BCL11B: variants seen among roughly 807,000 people sequenced by gnomAD.
BCL11B encodes the protein BCL11 transcription factor B.
Under a neutral mutation model 49.9 loss-of-function variants are expected in BCL11B, and 8 were observed. The ratio of observed to expected loss-of-function variants is 0.16; its 90% CI spans 0.09 to 0.29. The LOEUF is 0.29. BCL11B is among the 10% of genes least tolerant of loss of function. The probability of loss-of-function intolerance (pLI) is 1.00; values close to 1 mark genes in which losing one functional copy is unlikely to be tolerated. For synonymous variants in BCL11B, 739 were observed against 637.4 expected, an observed-to-expected ratio of 1.16 and a Z score of -2.40; for missense variants, 1,006 against 1,351.0, an observed-to-expected ratio of 0.74 and a Z score of 4.00.
rs191140436 is a variant in BCL11B, at chr14:99,170,637, C to A, written c.*3514G>T. On this transcript the variant is annotated 3_prime_UTR_variant, in exon 4 of 4. Transcript: ENST00000357195. ...GGAAACGCAGGGGAAGGAGAGAGAA[C>A]GAGATATGGAAAGGCACCAAATTCA... is the stretch of plus-strand genomic sequence containing the variant. 3.0e-5 allele frequency: 7 copies of A among 232,852 alleles called. No homozygotes were observed. In the East Asian group the frequency reaches 4.2e-4, roughly 14 times the overall value. The allele number at this position is 232,852 out of a possible 1,614,324, so 14.4% of individuals were successfully genotyped here. A position where few individuals can be genotyped will look rare whatever the true frequency, so the allele number is the denominator to read the frequency against.
At chr14:99,187,250 T>C (rs940614468) in intron 3 of BCL11B, among the ~76,000 whole-genome samples, 3 of 152,122 alleles carry the variant, frequency 2.0e-5, no homozygotes, top group African/African-American at 7.2e-5. Context: ...GTCAGTAAGA[T>C]GGAAGAGCCG....
intron 3 of BCL11B, among the ~76,000 whole-genome samples, chr14:99,206,629 C>T (rs807567): frequency 0.81 from 122,961 of 152,174 alleles, 49,948 homozygotes; most frequent in Non-Finnish European, 0.84. Flanking sequence ...TGTGTCGAAG[C>T]CACTCTTATT....
Position 99,271,398 on chromosome 14 carries a change from CTCT to C in BCL11B, c.-183_-181del, listed in dbSNP as rs1019627361. ...CTTCCTCTCTTTCCCTCTCTTCCTC[CTCT>C]TCTTCTTCTTTATTTTGCTCTTTCT... On this transcript the variant is annotated 5_prime_UTR_variant, in exon 1 of 4. Transcript: ENST00000357195. 3.4e-5 allele frequency: 10 copies of C among 295,218 alleles called. No homozygotes were observed. The highest frequency in any genetic ancestry group is 4.4e-5 in the Non-Finnish European group (7 of 157,748). 18.3% of individuals were successfully genotyped at this position (295,218 alleles called of 1,614,324 possible). A position where few individuals can be genotyped will look rare whatever the true frequency, so the allele number is the denominator to read the frequency against.
intron 2 of BCL11B, among the ~76,000 whole-genome samples, chr14:99,244,255 A>T (rs1425909363): frequency 6.6e-6 from 1 of 152,056 alleles, no homozygotes; most frequent in Admixed American, 6.6e-5. Context: ...TCAGCCAACC[A>T]CAGGTTACCT....
At chr14:99,240,308 T>C (rs1362573086) in intron 2 of BCL11B, among the ~76,000 whole-genome samples, 1 of 152,244 alleles carries the variant, frequency 6.6e-6, no homozygotes, top group Non-Finnish European at 1.5e-5. Flanking sequence ...AATTGATTTC[T>C]ACTATTGTAA....
intron 2 of BCL11B, among the ~76,000 whole-genome samples, chr14:99,240,911 TAAAG>T (rs1888650600): frequency 6.6e-6 from 1 of 152,250 alleles, no homozygotes. Flanking sequence ...TTAATGTAAT[TAAAG>T]AAACCGGCAG....
chr14:99,207,546 G>A (rs1422882795), intron 3 of BCL11B, among the ~76,000 whole-genome samples: 3 of 152,198 alleles, frequency 2.0e-5, no homozygotes, highest in Non-Finnish European at 2.9e-5. Flanking sequence ...GCCCCTCATT[G>A]ACCTCCTGTG....
rs1036358155 is a variant in BCL11B, at chr14:99,248,833, A to G, written c.427+8638T>C. ...GAAACCACTGGTGGCTCCATCTCACATTTCAGCCCAGCAGGCTCAGCCCCA... is the reference window on the plus strand; with the variant it reads ...GAAACCACTGGTGGCTCCATCTCACGTTTCAGCCCAGCAGGCTCAGCCCCA... On this transcript the variant is annotated intron_variant, in intron 2 of 3. Transcript: ENST00000357195. This position sits in a 1 kb window ranked among gnomAD's most constrained non-coding sequence, Gnocchi z 4.7. Among the ~76,000 whole-genome samples the G allele has an allele frequency of 5.3e-5, 8 of 151,916 alleles. No homozygotes were observed. Among genetic ancestry groups the G allele is most frequent in the Non-Finnish European group, 8.8e-5 (6 of 67,942 alleles).
At chr14:99,177,715 A>C (rs73420765) in intron 3 of BCL11B, among the ~76,000 whole-genome samples, 10,404 of 151,680 alleles carry the variant, frequency 0.069, 450 homozygotes, top group Non-Finnish European at 0.1. Context: ...CAAACGTGCA[A>C]ATGAATGACC....
intron 3 of BCL11B, among the ~76,000 whole-genome samples, chr14:99,225,980 C>G (rs1304691197): frequency 2.0e-5 from 3 of 152,234 alleles, no homozygotes; most frequent in Non-Finnish European, 4.4e-5. Flanking sequence ...TCTGGGTTCT[C>G]AAGGCAGTCG....
intron 1 of BCL11B, 128 bp downstream of exon 1, chr14:99,271,033 T>G (rs1252479008): frequency 3.0e-6 from 3 of 986,112 alleles, no homozygotes; most frequent in Non-Finnish European, 4.2e-6. Flanking sequence ...GCCGACGCCG[T>G]AGACTCTGCC....
chr14:99,188,856 C>G (rs540879268), intron 3 of BCL11B, among the ~76,000 whole-genome samples: 14 of 152,378 alleles, frequency 9.2e-5, no homozygotes, highest in African/African-American at 3.4e-4. Context: ...AGTCTGCTGT[C>G]GGCCCAGGTT....
chr14:99,172,986 G>A lies in BCL11B; in HGVS notation c.*1165C>T. On this transcript the variant is annotated 3_prime_UTR_variant, in exon 4 of 4. Transcript: ENST00000357195. ...ACAATATCATCAGTGTGCATTAAAT[G>A]AGAGAACACTAACTTCAATTAATTA... is the stretch of plus-strand genomic sequence containing the variant. 6.4e-6 allele frequency: 1 copy of A among 156,936 alleles called. No individual in the cohort carries two copies. Among genetic ancestry groups the A allele is most frequent in the Non-Finnish European group, 1.4e-5 (1 of 72,794 alleles). The allele number at this position is 156,936 out of a possible 1,614,324, so 9.7% of individuals were successfully genotyped here.
intron 3 of BCL11B, among the ~76,000 whole-genome samples, chr14:99,191,569 T>C (rs2139798086): frequency 6.6e-6 from 1 of 152,146 alleles, no homozygotes; most frequent in East Asian, 1.9e-4. Context: ...TTCATCATTG[T>C]AGAAATCATT....
Position 99,170,325 on chromosome 14 carries a change from T to G in BCL11B, c.*3826A>C, listed in dbSNP as rs934805316. On this transcript the variant is annotated 3_prime_UTR_variant, in exon 4 of 4. Coordinates refer to ENST00000357195, the MANE Select transcript of BCL11B (RefSeq NM_138576.4). ...AGAGTGCATCGAACAGAAAAGCTTC[T>G]GCATTTGGTAAGGAATTGCCCAAAA... 13 of 221,716 alleles carry G rather than the reference T, an allele frequency of 5.9e-5. No individual in the cohort carries two copies. The highest frequency in any genetic ancestry group is 1.8e-5 in the Non-Finnish European group (2 of 110,806). 13.7% of individuals were successfully genotyped at this position (221,716 alleles called of 1,614,324 possible).
rs981629555 is a variant in BCL11B, at chr14:99,257,962, C to T, written c.59-123G>A. 7 of 1,194,134 alleles carry T rather than the reference C, an allele frequency of 5.9e-6. No individual in the cohort carries two copies. The African/African-American group carries it at 7.7e-5, about 13-fold the overall frequency. 74.0% of individuals were successfully genotyped at this position (1,194,134 alleles called of 1,614,324 possible). On this transcript the variant is annotated intron_variant, in intron 1 of 3. Transcript: ENST00000357195. The surrounding 1 kb of genome is among the most constrained non-coding windows in gnomAD (Gnocchi z 6.2). ...AAGCAGCCCCCTCTGCTGCTGGCTGCCAGAGCTCACCAGGTCCTCCCCGGG... is the reference window on the plus strand; with the variant it reads ...AAGCAGCCCCCTCTGCTGCTGGCTGTCAGAGCTCACCAGGTCCTCCCCGGG...
chr14:99,230,946 G>C (rs1888311961), intron 3 of BCL11B, among the ~76,000 whole-genome samples: 1 of 152,196 alleles, frequency 6.6e-6, no homozygotes, highest in East Asian at 1.9e-4. Flanking sequence ...AGTCAACCAA[G>C]GAATCTTCCC....
Position 99,173,783 on chromosome 14 carries a change from A to T in BCL11B, c.*368T>A. On this transcript the variant is annotated 3_prime_UTR_variant, in exon 4 of 4. Transcript: ENST00000357195. ...TCCCCTCTAACATTGCTTGCGAGTCATTGCTCAGGCTACTACCGGGTTAAA... is the reference window on the plus strand; with the variant it reads ...TCCCCTCTAACATTGCTTGCGAGTCTTTGCTCAGGCTACTACCGGGTTAAA... The T allele has an allele frequency of 3.6e-6, 1 of 275,168 alleles. No individual in the cohort carries two copies. The highest frequency in any genetic ancestry group is 6.9e-6 in the Non-Finnish European group (1 of 144,226). The allele number at this position is 275,168 out of a possible 1,614,324, so 17.0% of individuals were successfully genotyped here.
Position 99,241,738 on chromosome 14 carries a change from G to GA in BCL11B, c.428-10182dup, listed in dbSNP as rs1217360658. On this transcript the variant is annotated intron_variant, in intron 2 of 3. Coordinates refer to ENST00000357195, the MANE Select transcript of BCL11B (RefSeq NM_138576.4). The surrounding 1 kb of genome is among the most constrained non-coding windows in gnomAD (Gnocchi z 4.4). Reference sequence around the variant, plus strand: ...CCTTATTCTACATCCTAATTTCTTTGAAAAAAACATCAGTGTCACTAAAAA... The same window carrying GA: ...CCTTATTCTACATCCTAATTTCTTTGAAAAAAAACATCAGTGTCACTAAAAA... 3.3e-5 allele frequency among the ~76,000 whole-genome samples: 5 copies of GA among 151,480 alleles called. No individual in the cohort carries two copies. Among genetic ancestry groups the GA allele is most frequent in the East Asian group, 3.9e-4 (2 of 5,144 alleles).
Sources: gnomAD v4.1 joint callset for allele counts (sites outside exome capture counted in the v4.1 genomes callset) on GRCh38, gnomAD v4.1.1 for gene constraint, Gnocchi (gnomAD v3.1) non-coding constraint, MANE v1.5 for transcripts, NCBI Gene and HGNC (gene_info 2026-07-23, HGNC 2026-07-21) for gene names.